The following NEGR1 variants were observed in gnomAD, a reference collection of about 807,000 sequenced individuals.
The protein encoded by NEGR1 is IgLON family member 4.
Under a neutral mutation model 40.9 loss-of-function variants are expected in NEGR1, and 10 were observed. That is an observed-to-expected ratio of 0.24 (90% confidence interval 0.15 to 0.42). The LOEUF (loss-of-function observed/expected upper bound fraction) is 0.42. Among genes scored for constraint, NEGR1 ranks in the 10% least tolerant of loss-of-function variants. The pLI, the probability that NEGR1 is intolerant of heterozygous loss-of-function variation, is 1.00. For synonymous variants in NEGR1, 185 were observed against 166.8 expected, an observed-to-expected ratio of 1.11 and a Z score of -0.84; for missense variants, 352 against 438.9, an observed-to-expected ratio of 0.80 and a Z score of 1.77.
chr1:71,452,616 C>G (rs1015426276), intron 6 of NEGR1, among the ~76,000 whole-genome samples: 2 of 152,050 alleles, frequency 1.3e-5, no homozygotes, highest in African/African-American at 2.4e-5. Flanking sequence ...GATTTGGAAG[C>G]CTGTTTGGGT....
intron 1 of NEGR1, among the ~76,000 whole-genome samples, chr1:71,999,430 G>A (rs925909557): frequency 1.3e-5 from 2 of 151,002 alleles, no homozygotes; most frequent in Non-Finnish European, 3.0e-5. Flanking sequence ...ACAAATACCA[G>A]AAGTTTTAAG....
chr1:72,195,624 C>T (rs17092461), intron 1 of NEGR1, among the ~76,000 whole-genome samples: 9,080 of 150,304 alleles, frequency 0.06, 891 homozygotes, highest in African/African-American at 0.21. Flanking sequence ...CAAAGCCCTA[C>T]TGGATATGGT....
At chr1:71,648,519 A>C (rs1651607689) in intron 4 of NEGR1, among the ~76,000 whole-genome samples, 1 of 152,048 alleles carries the variant, frequency 6.6e-6, no homozygotes, top group Non-Finnish European at 1.5e-5. Flanking sequence ...TCCATCTTGT[A>C]AAACTGTACA....
chr1:71,995,639 T>C (rs1388859431), intron 1 of NEGR1, among the ~76,000 whole-genome samples: 3 of 152,166 alleles, frequency 2.0e-5, no homozygotes, highest in African/African-American at 7.2e-5. Context: ...ACTTTCATTA[T>C]TTTACAACAT....
At chr1:71,760,419 A>G (rs1348782396) in intron 3 of NEGR1, among the ~76,000 whole-genome samples, 1 of 152,222 alleles carries the variant, frequency 6.6e-6, no homozygotes, top group Non-Finnish European at 1.5e-5. Context: ...GGAAACAGAC[A>G]AATGAAAGTT....
At chr1:72,134,808 G>C (rs1650390213) in intron 1 of NEGR1, among the ~76,000 whole-genome samples, 1 of 151,444 alleles carries the variant, frequency 6.6e-6, no homozygotes, top group African/African-American at 2.4e-5. Flanking sequence ...CACGTTCTCA[G>C]CTGACCACAA....
chr1:72,058,369 T>A (rs1647131382), intron 1 of NEGR1, among the ~76,000 whole-genome samples: 1 of 151,604 alleles, frequency 6.6e-6, no homozygotes, highest in African/African-American at 2.4e-5. Flanking sequence ...TTCCCATTAG[T>A]TATTATGATA....
At chr1:71,752,017 A>G (rs1021672920) in intron 3 of NEGR1, among the ~76,000 whole-genome samples, 1 of 152,220 alleles carries the variant, frequency 6.6e-6, no homozygotes, top group Non-Finnish European at 1.5e-5. Flanking sequence ...ATATATTTAA[A>G]TAATTAGTTG....
chr1:72,275,003 C>A lies in NEGR1; in HGVS notation c.176+7316G>T. Reference sequence around the variant, plus strand: ...GCCATAGTTAGTACGACTGTGGAAACCAAGGAGCCTGAGAAGGAAATCAGA... The same window carrying A: ...GCCATAGTTAGTACGACTGTGGAAAACAAGGAGCCTGAGAAGGAAATCAGA... On this transcript the variant is annotated intron_variant, in intron 1 of 6. Coordinates refer to ENST00000357731, the MANE Select transcript of NEGR1 (RefSeq NM_173808.3). 3.2e-6 allele frequency: 5 copies of A among 1,546,730 alleles called. No homozygotes were observed. In the South Asian group the frequency reaches 5.6e-5, roughly 17 times the overall value.
At chr1:71,505,867 A>G (rs1299388391) in intron 6 of NEGR1, among the ~76,000 whole-genome samples, 1 of 152,124 alleles carries the variant, frequency 6.6e-6, no homozygotes, top group African/African-American at 2.4e-5. Context: ...ATGATCTCCT[A>G]ATTTCTAGGT....
intron 1 of NEGR1, among the ~76,000 whole-genome samples, chr1:71,988,496 G>T (rs898484969): frequency 7.6e-6 from 1 of 131,882 alleles, no homozygotes. Flanking sequence ...CCGAGATTGC[G>T]CCACTGCAGT....
At chr1:71,983,242 C>G (rs1646368599) in intron 1 of NEGR1, among the ~76,000 whole-genome samples, 1 of 151,996 alleles carries the variant, frequency 6.6e-6, no homozygotes, top group South Asian at 2.1e-4. Context: ...ATTATTGAAA[C>G]TATTTACTAT....
At chr1:72,079,507 T>A (rs899544532) in intron 1 of NEGR1, among the ~76,000 whole-genome samples, 11 of 152,086 alleles carry the variant, frequency 7.2e-5, no homozygotes, top group Non-Finnish European at 1.3e-4. Flanking sequence ...TATTTAACAA[T>A]CTTAGTACAA....
chr1:71,665,824 G>A lies in NEGR1; in HGVS notation c.667+32184C>T, dbSNP rs140443687. On this transcript the variant is annotated intron_variant, in intron 4 of 6. Transcript: ENST00000357731. ...AAATTATATCTTATAGATAGAACAC[G>A]TGTTCCATACCTCCTATGGCTCTAG... Among the ~76,000 whole-genome samples, 406 of 152,212 alleles carry A rather than the reference G, an allele frequency of 2.7e-3. 1 individual carries two copies. Among genetic ancestry groups the A allele is most frequent in the African/African-American group, 9.4e-3 (389 of 41,522 alleles).
At chr1:71,903,164 A>G (rs1338890359) in intron 2 of NEGR1, among the ~76,000 whole-genome samples, 1 of 152,030 alleles carries the variant, frequency 6.6e-6, no homozygotes, top group East Asian at 1.9e-4. Context: ...TAAGACTTCC[A>G]TTATTATAAC....
chr1:72,172,886 T>C (rs1216174637), intron 1 of NEGR1, among the ~76,000 whole-genome samples: 2 of 152,146 alleles, frequency 1.3e-5, no homozygotes, highest in South Asian at 4.1e-4. Flanking sequence ...GCCATCTCTC[T>C]GGTTCTCTCT....
intron 2 of NEGR1, among the ~76,000 whole-genome samples, chr1:71,806,803 G>A (rs1393565460): frequency 6.6e-6 from 1 of 151,244 alleles, no homozygotes; most frequent in Non-Finnish European, 1.5e-5. Flanking sequence ...AAATGAAATT[G>A]TCTTTTGGAA....
At chr1:72,255,851 T>C (rs770768569) in intron 1 of NEGR1, among the ~76,000 whole-genome samples, 3 of 152,096 alleles carry the variant, frequency 2.0e-5, no homozygotes. Context: ...GGCCAGCCAA[T>C]ACATCTTAAT....
At chr1:72,207,776 A>C (rs1653463355) in intron 1 of NEGR1, among the ~76,000 whole-genome samples, 1 of 151,718 alleles carries the variant, frequency 6.6e-6, no homozygotes, top group Non-Finnish European at 1.5e-5. Context: ...TGCCAATTAA[A>C]ATTCATGAGA....
Sources: allele counts gnomAD v4.1 joint callset (sites outside exome capture counted in the v4.1 genomes callset), GRCh38; gene constraint gnomAD v4.1.1; transcripts MANE v1.5; gene names NCBI Gene and HGNC (gene_info 2026-07-23, HGNC 2026-07-21).